CNTNAP2: variants seen among roughly 807,000 people sequenced by gnomAD.
CNTNAP2 encodes contactin-associated protein-like 2.
A neutral mutation model predicts 155.2 loss-of-function variants in CNTNAP2; 98 were observed. The observed-to-expected ratio is 0.63, with a 90% CI of 0.54 to 0.75. The LOEUF (loss-of-function observed/expected upper bound fraction) is 0.75, where lower values mean the gene tolerates loss of function less well. Ranked by LOEUF, CNTNAP2 falls within the 30% of genes least tolerant of loss-of-function variation. The pLI is 0.00. For missense variants in CNTNAP2, 1,727 were observed against 1,688.1 expected (o/e 1.02, Z -0.40); for synonymous variants, 651 against 631.2 (o/e 1.03, Z -0.47).
chr7:146,396,055 A>C (rs1247161402), intron 1 of CNTNAP2, among the ~76,000 whole-genome samples: 1 of 152,252 alleles, frequency 6.6e-6, no homozygotes, highest in South Asian at 2.1e-4. Flanking sequence ...CAATATCTTC[A>C]ATTATCATAC....
chr7:147,022,032 A>T (rs1349950491), intron 3 of CNTNAP2, among the ~76,000 whole-genome samples: 1 of 152,088 alleles, frequency 6.6e-6, no homozygotes, highest in Non-Finnish European at 1.5e-5. Flanking sequence ...TTTTATATAT[A>T]TGAAATATTC....
chr7:146,788,164 T>C (rs1860845), intron 2 of CNTNAP2, among the ~76,000 whole-genome samples: 130,918 of 152,178 alleles, frequency 0.86, 56,782 homozygotes, highest in African/African-American at 0.96. Flanking sequence ...AGGCGCGGGC[T>C]GGCCACCAAG....
At chr7:146,168,442 T>C (rs1046801096) in intron 1 of CNTNAP2, among the ~76,000 whole-genome samples, 2 of 152,144 alleles carry the variant, frequency 1.3e-5, no homozygotes, top group African/African-American at 4.8e-5. Flanking sequence ...CTACAGATAA[T>C]GTAAGGACAG....
At chr7:147,168,424 G>A (rs1331555933) in intron 8 of CNTNAP2, among the ~76,000 whole-genome samples, 1 of 151,884 alleles carries the variant, frequency 6.6e-6, no homozygotes. Flanking sequence ...AATTAATTCA[G>A]ACATTAAAAA....
intron 1 of CNTNAP2, among the ~76,000 whole-genome samples, chr7:146,569,438 T>C (rs1395197485): frequency 6.6e-6 from 1 of 152,222 alleles, no homozygotes; most frequent in East Asian, 1.9e-4. Flanking sequence ...TTTCAAACTT[T>C]ATCTTGAGTG....
chr7:146,611,374 A>C (rs529742770), intron 1 of CNTNAP2, among the ~76,000 whole-genome samples: 28 of 152,254 alleles, frequency 1.8e-4, no homozygotes, highest in African/African-American at 6.3e-4. Flanking sequence ...TATAGGCGCG[A>C]GCCACCGCAC....
intron 1 of CNTNAP2, among the ~76,000 whole-genome samples, chr7:146,457,481 A>AATATATATATAT (rs200909725): frequency 3.4e-5 from 3 of 87,308 alleles, no homozygotes; most frequent in Non-Finnish European, 6.2e-5. Context: ...TTCAAAAATG[A>AATATATATATAT]ATATATATAT....
At chr7:146,493,945 A>G (rs1473022303) in intron 1 of CNTNAP2, among the ~76,000 whole-genome samples, 5 of 152,168 alleles carry the variant, frequency 3.3e-5, no homozygotes, top group Non-Finnish European at 7.3e-5. Context: ...TGATAGGTGC[A>G]CTCATATCTC....
At chr7:148,361,795 G>T (rs1455017583) in intron 21 of CNTNAP2, among the ~76,000 whole-genome samples, 1 of 152,194 alleles carries the variant, frequency 6.6e-6, no homozygotes, top group Non-Finnish European at 1.5e-5. Context: ...CTGCATGGCT[G>T]GGGAGTCCTC....
At chr7:146,421,463 G>A (rs544496225) in intron 1 of CNTNAP2, among the ~76,000 whole-genome samples, 1 of 152,092 alleles carries the variant, frequency 6.6e-6, no homozygotes, top group Non-Finnish European at 1.5e-5. Context: ...TATGGAAAAT[G>A]TGATTGATTT....
intron 13 of CNTNAP2, among the ~76,000 whole-genome samples, chr7:147,645,930 C>A (rs562089291): frequency 1.3e-5 from 2 of 152,080 alleles, no homozygotes; most frequent in Non-Finnish European, 2.9e-5. Context: ...AAATGGAAAC[C>A]GGAAATTAAT....
chr7:146,167,035 C>T (rs1225990451), intron 1 of CNTNAP2, among the ~76,000 whole-genome samples: 2 of 152,136 alleles, frequency 1.3e-5, no homozygotes, highest in South Asian at 2.1e-4. Flanking sequence ...TCTTCCCAGA[C>T]ATGAAGCTGG....
rs145276621 is a variant in CNTNAP2, at chr7:147,998,339, C to T, written c.2383+20350C>T. On this transcript the variant is annotated intron_variant, in intron 15 of 23. Transcript: ENST00000361727. Reference sequence around the variant, plus strand: ...TGTTGGCCAGGCTGGTCTCGATCTCCTGACCTGGTGATCCGCCCACCTTGG... The same window carrying T: ...TGTTGGCCAGGCTGGTCTCGATCTCTTGACCTGGTGATCCGCCCACCTTGG... 4.5e-3 allele frequency among the ~76,000 whole-genome samples: 686 copies of T among 152,132 alleles called. 6 individuals carry two copies. Among genetic ancestry groups the T allele is most frequent in the Non-Finnish European group, 7.1e-3 (485 of 67,990 alleles).
At chr7:146,416,290 A>G (rs1360195046) in intron 1 of CNTNAP2, among the ~76,000 whole-genome samples, 2 of 150,434 alleles carry the variant, frequency 1.3e-5, no homozygotes, top group Admixed American at 6.7e-5. Context: ...ATATATACCT[A>G]TATATATAAT....
intron 1 of CNTNAP2, among the ~76,000 whole-genome samples, chr7:146,139,310 A>G (rs1313957835): frequency 6.6e-6 from 1 of 152,178 alleles, no homozygotes; most frequent in Non-Finnish European, 1.5e-5. Flanking sequence ...CTTGTAAGTT[A>G]GGGGTCATTT....
chr7:147,666,207 A>G (rs1795693543), intron 13 of CNTNAP2, among the ~76,000 whole-genome samples: 1 of 152,238 alleles, frequency 6.6e-6, no homozygotes, highest in African/African-American at 2.4e-5. Flanking sequence ...TAACATTTCC[A>G]GCGTTAGTCG....
intron 1 of CNTNAP2, among the ~76,000 whole-genome samples, chr7:146,519,489 A>C (rs1797587401): frequency 6.6e-6 from 1 of 151,948 alleles, no homozygotes; most frequent in Admixed American, 6.6e-5. Flanking sequence ...AAACCATAAA[A>C]TCAGCTTAGC....
chr7:148,071,827 G>A (rs1803388071), intron 15 of CNTNAP2, among the ~76,000 whole-genome samples: 1 of 152,136 alleles, frequency 6.6e-6, no homozygotes, highest in South Asian at 2.1e-4. Context: ...TTGCCTGCTT[G>A]AGGCTTATTT....
intron 1 of CNTNAP2, among the ~76,000 whole-genome samples, chr7:146,741,042 T>G (rs540154584): frequency 1.4e-4 from 21 of 152,204 alleles, no homozygotes; most frequent in Middle Eastern, 6.8e-3. Context: ...GAGTACCCAG[T>G]GTTGTGTCCA....
Sources: gnomAD v4.1 joint callset for allele counts (sites outside exome capture counted in the v4.1 genomes callset) on GRCh38, gnomAD v4.1.1 for gene constraint, MANE v1.5 for transcripts, NCBI Gene and HGNC (gene_info 2026-07-23, HGNC 2026-07-21) for gene names.